PTPRG: variants seen among roughly 807,000 people sequenced by gnomAD.
The protein encoded by PTPRG is protein tyrosine phosphatase receptor type G.
In PTPRG, 102 loss-of-function variants were observed where a neutral mutation model predicts 165.3. The observed-to-expected ratio is 0.62, with a 90% CI of 0.53 to 0.73. PTPRG has a LOEUF of 0.73. PTPRG is among the 30% of genes least tolerant of loss of function. The pLI is 0.00. For synonymous variants in PTPRG, 675 were observed against 669.5 expected (o/e 1.01, Z -0.13); for missense variants, 1,866 against 1,861.4 (o/e 1.00, Z -0.05).
At chr3:62,059,953 C>T (rs1346131037) in intron 4 of PTPRG, among the ~76,000 whole-genome samples, 1 of 152,180 alleles carries the variant, frequency 6.6e-6, no homozygotes, top group Non-Finnish European at 1.5e-5. Flanking sequence ...CCCAGCTGTA[C>T]TGAACTGTGA....
At chr3:61,970,332 T>G (rs1017659136) in intron 2 of PTPRG, among the ~76,000 whole-genome samples, 8 of 152,190 alleles carry the variant, frequency 5.3e-5, no homozygotes, top group Admixed American at 2.0e-4. Context: ...TTTTCCTTTC[T>G]TCTTTGTTTT....
chr3:61,562,163 C>CGG lies in PTPRG; in HGVS notation c.-120_-119dup. On this transcript the variant is annotated 5_prime_UTR_variant, in exon 1 of 30. Transcript: ENST00000474889. ...CCAAGGGGACTCGGGCCGCCGAGCG[C>CGG]GGGGGGCCCGTGGAGCGGGCGAGCC... 1.2e-6 allele frequency: 1 copy of CGG among 805,226 alleles called. No homozygotes were observed. Among genetic ancestry groups the CGG allele is most frequent in the Non-Finnish European group, 2.1e-6 (1 of 487,626 alleles). 49.9% of individuals were successfully genotyped at this position (805,226 alleles called of 1,614,324 possible).
chr3:61,755,969 T>TG (rs2033621089), intron 2 of PTPRG, among the ~76,000 whole-genome samples: 1 of 152,058 alleles, frequency 6.6e-6, no homozygotes, highest in East Asian at 1.9e-4. Context: ...TGAAAAATGA[T>TG]GGGGCTGTAT....
Position 61,816,164 on chromosome 3 carries a change from C to CA in PTPRG, c.190+67184dup, listed in dbSNP as rs144723720. Among the ~76,000 whole-genome samples, 1,032 of 152,282 alleles carry CA rather than the reference C, an allele frequency of 6.8e-3. 7 individuals carry two copies. Among genetic ancestry groups the CA allele is most frequent in the Non-Finnish European group, 0.011 (720 of 68,024 alleles). Reference sequence around the variant, plus strand: ...CAGGGATGAAGTTCAAATAGCAAGGCAACTCCATTCAAAGTAGGAATTGTG... The same window carrying CA: ...CAGGGATGAAGTTCAAATAGCAAGGCAAACTCCATTCAAAGTAGGAATTGTG... On this transcript the variant is annotated intron_variant, in intron 2 of 29. Transcript: ENST00000474889.
chr3:62,151,551 T>C (rs1452320826), intron 6 of PTPRG, among the ~76,000 whole-genome samples: 2 of 151,798 alleles, frequency 1.3e-5, no homozygotes, highest in Admixed American at 6.6e-5. Flanking sequence ...AATATAATAT[T>C]GTCTGCATAC....
intron 2 of PTPRG, among the ~76,000 whole-genome samples, chr3:61,848,827 A>G (rs1182693060): frequency 6.6e-6 from 1 of 152,228 alleles, no homozygotes; most frequent in African/African-American, 2.4e-5. Context: ...CACTCTGCCA[A>G]GCACAATGCA....
At chr3:62,129,517 A>G (rs774266820) in intron 5 of PTPRG, among the ~76,000 whole-genome samples, 21 of 152,122 alleles carry the variant, frequency 1.4e-4, no homozygotes, top group Non-Finnish European at 2.9e-4. Flanking sequence ...CATTGTAACC[A>G]TGGCAACGCG....
intron 2 of PTPRG, among the ~76,000 whole-genome samples, chr3:61,757,371 G>A (rs1370236796): frequency 6.6e-6 from 1 of 151,710 alleles, no homozygotes; most frequent in Non-Finnish European, 1.5e-5. Flanking sequence ...TAGAGTAGAT[G>A]GCTAAATGGT....
chr3:61,704,929 C>T (rs941619216), intron 1 of PTPRG, among the ~76,000 whole-genome samples: 12 of 152,194 alleles, frequency 7.9e-5, no homozygotes, highest in Non-Finnish European at 1.5e-4. Context: ...GCTACCTGCT[C>T]ATTTGCAGCT....
intron 2 of PTPRG, among the ~76,000 whole-genome samples, chr3:61,823,505 A>G (rs2036015880): frequency 6.6e-6 from 1 of 151,852 alleles, no homozygotes; most frequent in African/African-American, 2.4e-5. Context: ...GTTATTAATT[A>G]GTGGAATCAT....
intron 3 of PTPRG, among the ~76,000 whole-genome samples, chr3:62,003,074 T>A (rs1044334677): frequency 6.7e-6 from 1 of 149,778 alleles, no homozygotes; most frequent in Non-Finnish European, 1.5e-5. Flanking sequence ...TGTCATTGTT[T>A]CCATTTTTTT....
At chr3:61,592,641 C>CTTTTTTTTTTTTTTTTTTT (rs773860673) in intron 1 of PTPRG, among the ~76,000 whole-genome samples, 8 of 140,000 alleles carry the variant, frequency 5.7e-5, no homozygotes, top group Non-Finnish European at 7.6e-5. Context: ...TTCTTTCTTT[C>CTTTTTTTTTTTTTTTTTTT]TTTCTTTCTT....
chr3:61,625,287 C>G (rs1183646307), intron 1 of PTPRG, among the ~76,000 whole-genome samples: 1 of 118,498 alleles, frequency 8.4e-6, no homozygotes, highest in Non-Finnish European at 1.8e-5. Context: ...AAACTTTAGT[C>G]TCTCACCCTT....
chr3:61,866,582 CTTTTTTTTTTTTTTTT>C (rs532356516), intron 2 of PTPRG, among the ~76,000 whole-genome samples: 934 of 69,090 alleles, frequency 0.014, 7 homozygotes, highest in Middle Eastern at 0.029. Flanking sequence ...ACTGTTTGCT[CTTTTTTTTTTTTTTTT>C]TTTTTTTTTT....
intron 1 of PTPRG, among the ~76,000 whole-genome samples, chr3:61,737,552 G>A (rs1439987818): frequency 6.6e-6 from 1 of 152,154 alleles, no homozygotes; most frequent in African/African-American, 2.4e-5. Flanking sequence ...AATAGATGGC[G>A]ATGGGCTATT....
At chr3:61,776,052 A>G (rs922158604) in intron 2 of PTPRG, among the ~76,000 whole-genome samples, 1 of 150,610 alleles carries the variant, frequency 6.6e-6, no homozygotes, top group East Asian at 2.0e-4. Context: ...CGTTGTGCAC[A>G]TGTACCCTAA....
intron 2 of PTPRG, among the ~76,000 whole-genome samples, chr3:61,947,837 T>C (rs2039800702): frequency 1.3e-5 from 2 of 152,218 alleles, no homozygotes; most frequent in Admixed American, 6.5e-5. Flanking sequence ...AAAACTTGTC[T>C]AATTGCCAAG....
chr3:62,126,282 A>G lies in PTPRG; in HGVS notation c.616-6320A>G, dbSNP rs1559540002. ...GCCAGAGAATGGTCAGTTTAAGTAGATCAAAAGCACAAAATTCATTTCCTC... is the reference window on the plus strand; with the variant it reads ...GCCAGAGAATGGTCAGTTTAAGTAGGTCAAAAGCACAAAATTCATTTCCTC... On this transcript the variant is annotated intron_variant, in intron 5 of 29. Transcript: ENST00000474889. 2.0e-5 allele frequency among the ~76,000 whole-genome samples: 3 copies of G among 152,180 alleles called. No individual in the cohort carries two copies. In the East Asian group the frequency reaches 5.8e-4, roughly 29 times the overall value.
At chr3:61,860,954 C>A (rs187621717) in intron 2 of PTPRG, among the ~76,000 whole-genome samples, 3 of 152,196 alleles carry the variant, frequency 2.0e-5, no homozygotes, top group Non-Finnish European at 4.4e-5. Context: ...CAGCCACCCC[C>A]CTTCCCTGTC....
Sources: gnomAD v4.1 joint callset for allele counts (sites outside exome capture counted in the v4.1 genomes callset) on GRCh38, gnomAD v4.1.1 for gene constraint, MANE v1.5 for transcripts, NCBI Gene and HGNC (gene_info 2026-07-23, HGNC 2026-07-21) for gene names.